The following OPHN1 variants were observed in gnomAD, a reference collection of about 807,000 sequenced individuals.
OPHN1 encodes the protein oligophrenin-1.
OPHN1 carries 11 observed loss-of-function variants against 60.7 expected under a neutral mutation model. The ratio of observed to expected loss-of-function variants is 0.18; its 90% CI spans 0.11 to 0.30. The LOEUF is 0.30. OPHN1 is among the 10% of genes least tolerant of loss of function. The probability of loss-of-function intolerance (pLI) is 1.00; values close to 1 mark genes in which losing one functional copy is unlikely to be tolerated. For synonymous variants in OPHN1, 226 were observed against 222.6 expected (o/e 1.02, Z -0.14); for missense variants, 449 against 611.0 (o/e 0.73, Z 2.80).
chrX:68,219,562 G>A (rs376463542), intron 6 of OPHN1, among the ~76,000 whole-genome samples: 1 of 110,071 alleles, frequency 9.1e-6, no homozygotes, highest in East Asian at 2.9e-4. Flanking sequence ...TAAAAGAACA[G>A]AAATTATAAC....
intron 2 of OPHN1, among the ~76,000 whole-genome samples, chrX:68,329,153 A>C (rs1204558150): frequency 8.9e-6 from 1 of 112,055 alleles, no homozygotes; most frequent in Non-Finnish European, 1.9e-5. Context: ...CCTGACCTCA[A>C]GTGATCCACC....
intron 2 of OPHN1, among the ~76,000 whole-genome samples, chrX:68,358,453 A>G (rs1437744028): frequency 3.6e-5 from 4 of 112,052 alleles, no homozygotes; most frequent in Non-Finnish European, 3.8e-5. Context: ...TTCAAACAGG[A>G]TTTATAACAA....
intron 2 of OPHN1, among the ~76,000 whole-genome samples, chrX:68,396,026 A>G (rs1393366621): frequency 9.0e-6 from 1 of 110,906 alleles, no homozygotes; most frequent in Non-Finnish European, 1.9e-5. Flanking sequence ...ATTTGAAGGT[A>G]TATCCGGGAT....
chrX:68,418,003 A>G (rs1005298014), intron 2 of OPHN1, among the ~76,000 whole-genome samples: 1 of 112,708 alleles, frequency 8.9e-6, no homozygotes, highest in African/African-American at 3.2e-5. Context: ...GCCTGCTGCA[A>G]TGGAAATCTC....
rs183510871 is a variant in OPHN1 at position 68,373,514 on chromosome X, A to G, written c.154+59353T>C. On this transcript the variant is annotated intron_variant, in intron 2 of 24. Coordinates refer to ENST00000355520, the MANE Select transcript of OPHN1 (RefSeq NM_002547.3). ...TCAGTTCCCCTCCCAGCTGGAAACT[A>G]CTATCATTTCTTGACTACAAGTGGT... is the stretch of plus-strand genomic sequence containing the variant. 4.5e-5 allele frequency among the ~76,000 whole-genome samples: 5 copies of G among 111,259 alleles called. No individual in the cohort carries two copies. In the Admixed American group the frequency reaches 4.8e-4, roughly 11 times the overall value.
chrX:68,071,458 A>G lies in OPHN1; in HGVS notation c.1834+1694T>C. The G allele has an allele frequency of 5.5e-6, 5 of 916,780 alleles. No individual in the cohort carries two copies. The South Asian group carries it at 9.8e-5, about 18-fold the overall frequency. 75.6% of individuals were successfully genotyped at this position (916,780 alleles called of 1,213,427 possible). On this transcript the variant is annotated intron_variant, in intron 20 of 24. Coordinates refer to ENST00000355520, the MANE Select transcript of OPHN1 (RefSeq NM_002547.3). ...AGCTGGGTTGGCACAGGCTTTCTCC[A>G]CTTCTGGGCCTACACAGTCTTTCAA...
rs749949588 is a variant in OPHN1 at position 68,061,038 on chromosome X, C to T, written c.2158+2816G>A. ...GTGTAGGTTAGGTTCAAAGAGGCAA[C>T]TATACCAGAGGTTTGGGGGGTTCTC... On this transcript the variant is annotated intron_variant, in intron 21 of 24. Transcript: ENST00000355520. 1.6e-3 allele frequency among the ~76,000 whole-genome samples: 174 copies of T among 111,791 alleles called. 1 individual carries two copies. The highest frequency in any genetic ancestry group is 1.9e-3 in the Non-Finnish European group (99 of 53,136).
chrX:68,195,157 T>C (rs1404490733), intron 12 of OPHN1, among the ~76,000 whole-genome samples: 1 of 111,516 alleles, frequency 9.0e-6, no homozygotes, highest in African/African-American at 3.3e-5. Flanking sequence ...CCATCTTAGA[T>C]ATTTACTTAT....
rs928029123 is a variant in OPHN1, at chrX:68,046,424, A to T, written c.*748T>A. On this transcript the variant is annotated 3_prime_UTR_variant, in exon 25 of 25. Coordinates refer to ENST00000355520, the MANE Select transcript of OPHN1 (RefSeq NM_002547.3). ...TGATTGCTTGACAGGAAGCTGTCAA[A>T]AAAAAGGAGAAAGAATAATCCAAAT... 2 of 112,252 alleles carry T rather than the reference A, an allele frequency of 1.8e-5. No individual in the cohort carries two copies. Among genetic ancestry groups the T allele is most frequent in the Non-Finnish European group, 3.8e-5 (2 of 53,238 alleles). The allele number at this position is 112,252 out of a possible 1,213,427, so 9.3% of individuals were successfully genotyped here. A position where few individuals can be genotyped will look rare whatever the true frequency, so the allele number is the denominator to read the frequency against.
chrX:68,222,925 A>T (rs1221982126), intron 6 of OPHN1, among the ~76,000 whole-genome samples: 1 of 108,951 alleles, frequency 9.2e-6, no homozygotes, highest in Non-Finnish European at 1.9e-5. Context: ...CTTAAAGTAT[A>T]ATAGAAAAAA....
intron 2 of OPHN1, among the ~76,000 whole-genome samples, chrX:68,410,559 CA>C (rs764471911): frequency 0.12 from 11,337 of 97,301 alleles, 718 homozygotes; most frequent in African/African-American, 0.24. Flanking sequence ...GAGACTCCAC[CA>C]AAAAAAAAAA....
chrX:68,291,163 G>A (rs980678566), intron 3 of OPHN1, among the ~76,000 whole-genome samples: 3 of 111,317 alleles, frequency 2.7e-5, no homozygotes, highest in Non-Finnish European at 3.8e-5. Flanking sequence ...CAAGATATAA[G>A]GGTCATTGCT....
intron 2 of OPHN1, among the ~76,000 whole-genome samples, chrX:68,312,111 T>C (rs1231986689): frequency 2.8e-5 from 3 of 107,671 alleles, no homozygotes; most frequent in South Asian, 4.2e-4. Context: ...TTTTTTTTTT[T>C]TTTTTTGAGA....
At chrX:68,213,332 A>G (rs981399754) in intron 7 of OPHN1, among the ~76,000 whole-genome samples, 1 of 111,970 alleles carries the variant, frequency 8.9e-6, no homozygotes, top group Non-Finnish European at 1.9e-5. Context: ...ACTGCACTCC[A>G]GTTTGGGTGA....
At chrX:68,255,918 T>C (rs1234387140) in intron 5 of OPHN1, among the ~76,000 whole-genome samples, 1 of 111,544 alleles carries the variant, frequency 9.0e-6, no homozygotes, top group African/African-American at 3.3e-5. Flanking sequence ...ATTACTGAAG[T>C]GGCTGTGTTG....
chrX:68,327,812 A>T (rs867984333), intron 2 of OPHN1, among the ~76,000 whole-genome samples: 3 of 100,351 alleles, frequency 3.0e-5, no homozygotes, highest in South Asian at 3.8e-4. Context: ...AAAAAAAAAA[A>T]AAAAATTTTA....
intron 19 of OPHN1, among the ~76,000 whole-genome samples, chrX:68,096,349 A>C (rs745604775): frequency 9.0e-6 from 1 of 110,626 alleles, no homozygotes; most frequent in Non-Finnish European, 1.9e-5. Flanking sequence ...AACTTAGTAT[A>C]AAAAATGCAA....
intron 15 of OPHN1, chrX:68,133,283 C>G (rs747608310): frequency 2.3e-5 from 14 of 620,456 alleles, no homozygotes; most frequent in Non-Finnish European, 3.0e-5. Flanking sequence ...CGGAATAATA[C>G]GTGAGTGTGT....
rs148490184 is a variant in OPHN1, at chrX:68,190,515, C to T, written c.1276+2404G>A. ...TTCCTGGTCTATATTTTAGATATTC[C>T]TATGAGAGTTAATATTTGGAGGATG... is the stretch of plus-strand genomic sequence containing the variant. On this transcript the variant is annotated intron_variant, in intron 15 of 24. Transcript: ENST00000355520. 6.6e-3 allele frequency among the ~76,000 whole-genome samples: 732 copies of T among 111,644 alleles called. 7 individuals are homozygous for T. The highest frequency in any genetic ancestry group is 0.023 in the African/African-American group (703 of 30,740).
Sources: allele counts gnomAD v4.1 joint callset (sites outside exome capture counted in the v4.1 genomes callset), GRCh38; gene constraint gnomAD v4.1.1; transcripts MANE v1.5; gene names NCBI Gene and HGNC (gene_info 2026-07-23, HGNC 2026-07-21).